Variants in KLRG1 observed in about 807,000 individuals in gnomAD.
The protein encoded by KLRG1 is killer cell lectin like receptor G1, also known as killer cell lectin-like receptor subfamily G member 1.
In KLRG1, 16 loss-of-function variants were observed where a neutral mutation model predicts 21.8. That is an observed-to-expected ratio of 0.73 (90% CI 0.50 to 1.11). The LOEUF is 1.11. Among genes scored for constraint, KLRG1 ranks in the 50% most tolerant of loss-of-function variants. KLRG1 has a pLI of 0.00. For missense variants in KLRG1, 173 were observed against 218.3 expected (o/e 0.79, Z 1.31); for synonymous variants, 69 against 75.9 (o/e 0.91, Z 0.47).
chr12:9,210,845 A>G, the KLRG1 span, among the ~76,000 whole-genome samples: 6 of 152,210 alleles, frequency 3.9e-5, no homozygotes, highest in Admixed American at 6.5e-5. Flanking sequence ...TTATTACAGT[A>G]TAGCCCTCTT....
At chr12:9,093,029 T>G in the KLRG1 span, among the ~76,000 whole-genome samples, 4 of 152,180 alleles carry the variant, frequency 2.6e-5, no homozygotes, top group Non-Finnish European at 5.9e-5. Flanking sequence ...TGATCTTACT[T>G]GTATGTGGAT....
the KLRG1 span, chr12:9,113,623 A>T: frequency 7.4e-7 from 1 of 1,354,660 alleles, no homozygotes; most frequent in Non-Finnish European, 1.0e-6. Context: ...CCATCATCAT[A>T]ATTATCATCA....
chr12:8,965,201 C>T (rs1016553663), intron 1 of KLRG1, among the ~76,000 whole-genome samples: 5 of 152,122 alleles, frequency 3.3e-5, no homozygotes, highest in Admixed American at 3.3e-4. Flanking sequence ...ATAATAAGAG[C>T]TATCTATGAC....
the KLRG1 span, chr12:9,157,374 G>A: frequency 6.2e-7 from 1 of 1,602,662 alleles, no homozygotes; most frequent in Non-Finnish European, 8.5e-7. Context: ...GCAAAATGTG[G>A]TTGTGTCAAA....
At chr12:8,977,269 T>G (rs1384320975) in intron 1 of KLRG1, among the ~76,000 whole-genome samples, 1 of 151,824 alleles carries the variant, frequency 6.6e-6, no homozygotes, top group East Asian at 1.9e-4. Flanking sequence ...AGTGGCGTGA[T>G]CTCGGCTCAC....
the KLRG1 span, among the ~76,000 whole-genome samples, chr12:9,088,064 TA>T: frequency 6.6e-6 from 1 of 152,194 alleles, no homozygotes; most frequent in East Asian, 1.9e-4. Context: ...TTAACATAGG[TA>T]AATCTCCAAG....
chr12:9,109,587 A>G, the KLRG1 span, among the ~76,000 whole-genome samples: 1 of 152,222 alleles, frequency 6.6e-6, no homozygotes, highest in Non-Finnish European at 1.5e-5. Context: ...GGACTATGAG[A>G]GATCACTGTG....
chr12:9,098,142 G>A, the KLRG1 span, among the ~76,000 whole-genome samples: 10 of 152,132 alleles, frequency 6.6e-5, no homozygotes, highest in East Asian at 3.9e-4. Context: ...CGGCTTCCCC[G>A]GTTGCTCAGT....
chr12:9,039,319 A>G, the KLRG1 span, among the ~76,000 whole-genome samples: 1 of 152,274 alleles, frequency 6.6e-6, no homozygotes, highest in African/African-American at 2.4e-5. Context: ...AATACTAGAA[A>G]GTGAGATTGT....
At chr12:9,101,666 G>A in the KLRG1 span, 264 of 1,610,708 alleles carry the variant, frequency 1.6e-4, 1 homozygote, top group Admixed American at 3.3e-4. Context: ...TACGATCCTT[G>A]TAATTGACCT....
intron 1 of KLRG1, among the ~76,000 whole-genome samples, chr12:8,976,779 C>T (rs776240651): frequency 7.3e-5 from 11 of 151,618 alleles, no homozygotes; most frequent in African/African-American, 2.7e-4. Flanking sequence ...GAGTTTTGCT[C>T]TTGTTGCCCA....
At chr12:9,136,205 A>G in the KLRG1 span, among the ~76,000 whole-genome samples, 90 of 152,352 alleles carry the variant, frequency 5.9e-4, no homozygotes, top group Admixed American at 3.7e-3. Context: ...GACTGTTTCA[A>G]CTGTGGTGTT....
upstream of KLRG1, among the ~76,000 whole-genome samples, chr12:8,987,928 C>T (rs979741304): frequency 1.3e-5 from 2 of 152,196 alleles, no homozygotes; most frequent in African/African-American, 4.8e-5. Context: ...TTCTCAGAGG[C>T]AGCTAAACTA....
chr12:9,067,921 G>A, the KLRG1 span: 3 of 1,331,586 alleles, frequency 2.3e-6, no homozygotes, highest in South Asian at 2.5e-5. Context: ...GTTCTGGGTA[G>A]CATAGTGCCC....
upstream of KLRG1, among the ~76,000 whole-genome samples, chr12:8,985,401 A>G (rs933048711): frequency 2.0e-5 from 3 of 152,148 alleles, no homozygotes; most frequent in African/African-American, 7.2e-5. Context: ...TTCCCCACAT[A>G]CCAATTAGCA....
chr12:9,110,114 AGTTATCT>A, the KLRG1 span: 1 of 1,479,130 alleles, frequency 6.8e-7, no homozygotes, highest in African/African-American at 1.4e-5. Context: ...GGAAACCCTA[AGTTATCT>A]ACAAAAAGGT....
At chr12:9,200,550 A>G in the KLRG1 span, 24 of 899,806 alleles carry the variant, frequency 2.7e-5, no homozygotes, top group Non-Finnish European at 4.1e-5. Flanking sequence ...AACACTCTGA[A>G]TGTTAGATTT....
At chr12:9,138,629 G>A in the KLRG1 span, among the ~76,000 whole-genome samples, 2 of 151,678 alleles carry the variant, frequency 1.3e-5, no homozygotes, top group African/African-American at 4.8e-5. Context: ...ATCTGATCCT[G>A]GGTTTTTATT....
At chr12:8,961,455 C>T (rs905641999) in intron 1 of KLRG1, among the ~76,000 whole-genome samples, 5 of 152,074 alleles carry the variant, frequency 3.3e-5, no homozygotes, top group African/African-American at 4.8e-5. Flanking sequence ...TCTTGTTGCC[C>T]AGACTGGAGT....
Sources: gnomAD v4.1 joint callset for allele counts (sites outside exome capture counted in the v4.1 genomes callset) on GRCh38, gnomAD v4.1.1 for gene constraint, MANE v1.5 for transcripts, NCBI Gene and HGNC (gene_info 2026-07-23, HGNC 2026-07-21) for gene names.